KLHL21: variants seen among roughly 807,000 people sequenced by gnomAD.
KLHL21 encodes the protein kelch-like protein 21.
Under a neutral mutation model 44.1 loss-of-function variants are expected in KLHL21, and 42 were observed. That is an observed-to-expected ratio of 0.95 (90% CI 0.74 to 1.23). The LOEUF (loss-of-function observed/expected upper bound fraction) is 1.23. Ranked by LOEUF, KLHL21 falls within the 50% of genes most tolerant of loss-of-function variation. The probability of loss-of-function intolerance (pLI) is 0.00; values close to 1 mark genes in which losing one functional copy is unlikely to be tolerated. For synonymous variants in KLHL21, 524 were observed against 411.6 expected (o/e 1.27, Z -3.31); for missense variants, 918 against 889.1 (o/e 1.03, Z -0.41).
Position 6,602,259 on chromosome 1 carries a change from C to T in KLHL21, c.559G>A (p.Asp187Asn). 6.5e-7 allele frequency: 1 copy of T among 1,550,300 alleles called. No homozygotes were observed. The highest frequency in any genetic ancestry group is 8.7e-7 in the Non-Finnish European group (1 of 1,155,348). ...PLARLLRYLR[D>N]DGLCVPKEEA... ...TCCTTGGGCACACACAGCCCGTCGT[C>T]CCGCAGGTAGCGCAGCAGGCGCGCC... is the stretch of plus-strand genomic sequence containing the variant. Residue 187 changes from aspartate to asparagine, a missense_variant, in exon 1 of 4, where the codon GAC becomes AAC. By Grantham distance (23) the Asp-to-Asn change is conservative. Coordinates refer to ENST00000377658, the MANE Select transcript of KLHL21 (RefSeq NM_014851.4).
rs1303479064 is a variant in KLHL21, at chr1:6,602,421, G to A, written c.397C>T (p.Leu133Phe). Residue 133 changes from leucine (L) to phenylalanine (F), a missense_variant, in exon 1 of 4, where the codon CTC (leucine) becomes TTC (phenylalanine). Transcript: ENST00000377658. Reference sequence around the variant, plus strand: ...ATGTCCAGGCAGTTGGCCAGGTCGAGCTGCTGCTGCAGGAAGGCCCCGCAC... The same window carrying A: ...ATGTCCAGGCAGTTGGCCAGGTCGAACTGCTGCTGCAGGAAGGCCCCGCAC... ...EACGAFLQQQ[L>F]DLANCLDMQD... is the part of the protein sequence containing the mutation. 1 of 1,595,688 alleles carries A rather than the reference G, an allele frequency of 6.3e-7. No homozygotes were observed. Among genetic ancestry groups the A allele is most frequent in the Non-Finnish European group, 8.5e-7 (1 of 1,175,424 alleles).
In KLHL21 at chr1:6,593,088, T is replaced by C; in HGVS notation, c.*277A>G. On this transcript the variant is annotated 3_prime_UTR_variant, in exon 4 of 4. Coordinates refer to ENST00000377658, the MANE Select transcript of KLHL21 (RefSeq NM_014851.4). ...GGGTGTGCGCCGCGTGGGTGAGCTG[T>C]GATCCGCGGGGTGGGGGTGACCTCC... The C allele has an allele frequency of 2.1e-6, 1 of 468,510 alleles. No homozygotes were observed. Among genetic ancestry groups the C allele is most frequent in the East Asian group, 3.2e-5 (1 of 31,526 alleles). 29.0% of individuals were successfully genotyped at this position (468,510 alleles called of 1,614,324 possible). A position where few individuals can be genotyped will look rare whatever the true frequency, so the allele number is the denominator to read the frequency against.
intron 1 of KLHL21, 79 bp downstream of exon 1, chr1:6,601,718 G>C: frequency 6.8e-7 from 1 of 1,463,036 alleles, no homozygotes; most frequent in Non-Finnish European, 9.1e-7. Flanking sequence ...GGCTCTGTGC[G>C]CTTCCCCCGC....
intron 1 of KLHL21, 97 bp downstream of exon 1, chr1:6,601,700 G>C: frequency 6.9e-7 from 1 of 1,447,070 alleles, no homozygotes; most frequent in Non-Finnish European, 9.1e-7. Flanking sequence ...TGCGCCCCTA[G>C]GATTCCAGGC....
intron 1 of KLHL21, among the ~76,000 whole-genome samples, chr1:6,601,018 T>G (rs576241328): frequency 6.6e-6 from 1 of 152,328 alleles, no homozygotes; most frequent in Non-Finnish European, 1.5e-5. Flanking sequence ...CCCACCTCCT[T>G]GCCTGATAAC....
chr1:6,598,557 C>T lies in KLHL21; in HGVS notation c.1427+490G>A, dbSNP rs191889538. 2.6e-3 allele frequency among the ~76,000 whole-genome samples: 394 copies of T among 149,842 alleles called. 3 individuals are homozygous for T. Among genetic ancestry groups the T allele is most frequent in the Admixed American group, 5.3e-3 (79 of 15,006 alleles). ...TGTACTCCAGCTTGGGCAACAAAAG[C>T]GAAACTCTTCTTTTAAAAAAACAAA... On this transcript the variant is annotated intron_variant, in intron 2 of 3. Transcript: ENST00000377658.
intron 1 of KLHL21, 50 bp downstream of exon 1, chr1:6,601,747 A>T: frequency 1.3e-6 from 2 of 1,484,086 alleles, no homozygotes; most frequent in South Asian, 1.3e-5. Context: ...GGGCTCCCGT[A>T]CCGGCGAGGT....
rs924217153 is a variant in KLHL21 at position 6,602,157 on chromosome 1, G to A, written c.661C>T (p.Leu221=). The change falls in exon 1 of 4, where the codon CTG becomes TTG. Residue 221 remains leucine, a synonymous_variant. Transcript: ENST00000377658. ...PRRAAHWPQL[L]EAVRLPFVRR... ...ACGAAGGGCAGGCGCACGGCCTCCAGCAGCTGCGGCCAGTGCGCGGCGCGG... is the reference window on the plus strand; with the variant it reads ...ACGAAGGGCAGGCGCACGGCCTCCAACAGCTGCGGCCAGTGCGCGGCGCGG... The A allele has an allele frequency of 3.5e-6, 5 of 1,427,820 alleles. No individual in the cohort carries two copies. In the Admixed American group the frequency reaches 9.6e-5, roughly 27 times the overall value. 88.4% of individuals were successfully genotyped at this position (1,427,820 alleles called of 1,614,324 possible).
In KLHL21 at chr1:6,593,590, T is replaced by A; in HGVS notation, c.1569A>T (p.Thr523=). ...CCTCTACCACGTCCGAGAGTTCAAA[T>A]GTATTGTCGTATCCCCCAGAGACGT... The part of the protein sequence containing the change: ...KLYVSGGYDN[T]FELSDVVEAY... Residue 523 remains threonine (T), a synonymous_variant, in exon 4 of 4, where the codon ACA becomes ACT. Coordinates refer to ENST00000377658, the MANE Select transcript of KLHL21 (RefSeq NM_014851.4). The A allele has an allele frequency of 6.2e-7, 1 of 1,613,390 alleles. No homozygotes were observed. Among genetic ancestry groups the A allele is most frequent in the Admixed American group, 1.7e-5 (1 of 59,980 alleles).
chr1:6,596,917 C>T (rs1329382055), intron 2 of KLHL21, among the ~76,000 whole-genome samples: 3 of 152,236 alleles, frequency 2.0e-5, no homozygotes, highest in East Asian at 1.9e-4. Context: ...GTCCTAGGCA[C>T]AAGCTGCCCA....
chr1:6,593,239 C>A lies in KLHL21; in HGVS notation c.*126G>T. ...TTCCAGGTAATGGATCCTGGGCTGGCTTCGCCACCCAAGAGCCTGTGCTCC... is the reference window on the plus strand; with the variant it reads ...TTCCAGGTAATGGATCCTGGGCTGGATTCGCCACCCAAGAGCCTGTGCTCC... On this transcript the variant is annotated 3_prime_UTR_variant, in exon 4 of 4. Coordinates refer to ENST00000377658, the MANE Select transcript of KLHL21 (RefSeq NM_014851.4). 1 of 1,067,614 alleles carries A rather than the reference C, an allele frequency of 9.4e-7. No individual in the cohort carries two copies. Among genetic ancestry groups the A allele is most frequent in the East Asian group, 2.5e-5 (1 of 39,864 alleles). The allele number at this position is 1,067,614 out of a possible 1,614,324, so 66.1% of individuals were successfully genotyped here.
chr1:6,599,128 G>C lies in KLHL21; in HGVS notation c.1346C>G (p.Ser449Trp). 6.2e-7 allele frequency: 1 copy of C among 1,613,726 alleles called. No homozygotes were observed. The highest frequency in any genetic ancestry group is 2.2e-5 in the East Asian group (1 of 44,874). The change falls in exon 2 of 4, where the codon TCG (serine) becomes TGG (tryptophan). Residue 449 changes from serine to tryptophan, a missense_variant. Physicochemically the swap from Ser to Trp is radical, Grantham distance 177. Coordinates refer to ENST00000377658, the MANE Select transcript of KLHL21 (RefSeq NM_014851.4). ...QCYDPDTDLW[S>W]LVDCGQLPPW... ...CGGGAGCTGGCCGCAGTCCACCAGC[G>C]ACCACAGGTCGGTGTCCGGGTCGTA...
chr1:6,593,610 A>G lies in KLHL21; in HGVS notation c.1549T>C (p.Ser517Pro). ...LAVLGGKLYV[S>P]GGYDNTFELS... ...TCAAATGTATTGTCGTATCCCCCAG[A>G]GACGTACAGCTTCCCCCCAAGGACG... Residue 517 changes from serine (S) to proline (P), a missense_variant, in exon 4 of 4, where the codon TCT (serine) becomes CCT (proline). Ser to Pro is a moderately conservative substitution (Grantham distance 74, BLOSUM62 -1). Coordinates refer to ENST00000377658, the MANE Select transcript of KLHL21 (RefSeq NM_014851.4). 1 of 1,606,848 alleles carries G rather than the reference A, an allele frequency of 6.2e-7. No homozygotes were observed. Among genetic ancestry groups the G allele is most frequent in the Non-Finnish European group, 8.5e-7 (1 of 1,174,832 alleles).
chr1:6,592,172 A>G lies in KLHL21; in HGVS notation c.*1193T>C, dbSNP rs1640859896. 6.6e-6 allele frequency: 1 copy of G among 152,272 alleles called. No individual in the cohort carries two copies. Among genetic ancestry groups the G allele is most frequent in the African/African-American group, 2.4e-5 (1 of 41,474 alleles). The allele number at this position is 152,272 out of a possible 1,614,324, so 9.4% of individuals were successfully genotyped here. Reference sequence around the variant, plus strand: ...GTGCAATCTGCTAAGTGACAGTGCTAAGACTGTCTTCCTGCTGAGAACATC... The same window carrying G: ...GTGCAATCTGCTAAGTGACAGTGCTGAGACTGTCTTCCTGCTGAGAACATC... On this transcript the variant is annotated 3_prime_UTR_variant, in exon 4 of 4. Transcript: ENST00000377658.
chr1:6,599,419 A>T lies in KLHL21; in HGVS notation c.1055T>A (p.Val352Glu), dbSNP rs757010590. The T allele has an allele frequency of 6.2e-7, 1 of 1,612,398 alleles. No individual in the cohort carries two copies. Among genetic ancestry groups the T allele is most frequent in the South Asian group, 1.1e-5 (1 of 91,036 alleles). The change falls in exon 2 of 4, where the codon GTG becomes GAG. Residue 352 changes from valine to glutamate, a missense_variant. Transcript: ENST00000377658. ...GSDGSRLYDC[V>E]WRYNSSVNEW... ...ATTCACGCTTGAGTTGTACCTCCAC[A>T]CGCAGTCATAGAGCCGGGAGCCATC...
rs1245932116 is a variant in KLHL21, at chr1:6,591,192, G to A, written c.*2173C>T. ...GGGACCCATTGCTGCAGAGGCTGGT[G>A]CCTGGTTTTCCCCATACTTGGTCTT... On this transcript the variant is annotated 3_prime_UTR_variant, in exon 4 of 4. Coordinates refer to ENST00000377658, the MANE Select transcript of KLHL21 (RefSeq NM_014851.4). The A allele has an allele frequency of 1.3e-5, 5 of 393,242 alleles. No homozygotes were observed. Among genetic ancestry groups the A allele is most frequent in the Non-Finnish European group, 2.2e-5 (5 of 223,184 alleles). The allele number at this position is 393,242 out of a possible 1,614,324, so 24.4% of individuals were successfully genotyped here.
intron 1 of KLHL21, among the ~76,000 whole-genome samples, chr1:6,601,250 A>C (rs1641012514): frequency 6.6e-6 from 1 of 152,202 alleles, no homozygotes; most frequent in South Asian, 2.1e-4. Context: ...TTAACATGTG[A>C]CCATGTTTAC....
Position 6,602,649 on chromosome 1 carries a change from C to A in KLHL21, c.169G>T (p.Ala57Ser). ...AACATGGCGCGGAAGTAGGGGCTGG[C>A]GGCGGCCAGCACCGCACGGTGCGCC... ...FPAHRAVLAA[A>S]SPYFRAMFAG... Residue 57 changes from alanine to serine, a missense_variant, in exon 1 of 4, where the codon GCC becomes TCC. Transcript: ENST00000377658. 6.6e-7 allele frequency: 1 copy of A among 1,513,926 alleles called. No homozygotes were observed. The allele number at this position is 1,513,926 out of a possible 1,614,324, so 93.8% of individuals were successfully genotyped here.
Position 6,599,123 on chromosome 1 carries a change from C to A in KLHL21, c.1351G>T (p.Val451Leu), listed in dbSNP as rs1029808485. The change falls in exon 2 of 4, where the codon GTG (valine) becomes TTG (leucine). Residue 451 changes from valine to leucine, a missense_variant. Coordinates refer to ENST00000377658, the MANE Select transcript of KLHL21 (RefSeq NM_014851.4). ...CAGGGCGGGAGCTGGCCGCAGTCCA[C>A]CAGCGACCACAGGTCGGTGTCCGGG... ...YDPDTDLWSLVDCGQLPPWSF... is the reference protein window; with the variant it reads ...YDPDTDLWSLLDCGQLPPWSF... The A allele has an allele frequency of 6.2e-7, 1 of 1,613,594 alleles. No homozygotes were observed. Among genetic ancestry groups the A allele is most frequent in the Non-Finnish European group, 8.5e-7 (1 of 1,179,820 alleles).
Sources: allele counts gnomAD v4.1 joint callset (sites outside exome capture counted in the v4.1 genomes callset), GRCh38; gene constraint gnomAD v4.1.1; transcripts MANE v1.5; gene names NCBI Gene and HGNC (gene_info 2026-07-23, HGNC 2026-07-21).